The following EMC2 variants were observed in gnomAD, a reference collection of about 807,000 sequenced individuals.
EMC2 encodes the protein ER membrane protein complex subunit 2, also known as TPR repeat protein 35.
Under a neutral mutation model 51.6 loss-of-function variants are expected in EMC2, and 37 were observed. The observed-to-expected ratio is 0.72, with a 90% CI of 0.55 to 0.94. The LOEUF (loss-of-function observed/expected upper bound fraction) is 0.94. Among genes scored for constraint, EMC2 ranks in the 40% least tolerant of loss-of-function variants. EMC2 has a pLI of 0.00. For synonymous variants in EMC2, 131 were observed against 112.4 expected, an observed-to-expected ratio of 1.17 and a Z score of -1.04; for missense variants, 359 against 350.9, an observed-to-expected ratio of 1.02 and a Z score of -0.18.
At chr8:108,485,466 A>G (rs1397356717) in intron 10 of EMC2, among the ~76,000 whole-genome samples, 1 of 145,928 alleles carries the variant, frequency 6.9e-6, no homozygotes, top group African/African-American at 2.5e-5. Context: ...TATATATAAT[A>G]TATATAGGTA....
intron 10 of EMC2, among the ~76,000 whole-genome samples, chr8:108,483,742 TACAG>T (rs1218031671): frequency 6.6e-6 from 1 of 152,158 alleles, no homozygotes; most frequent in Non-Finnish European, 1.5e-5. Context: ...TTATAGATCT[TACAG>T]AGAATTATGA....
intron 4 of EMC2, among the ~76,000 whole-genome samples, chr8:108,453,810 G>C (rs1414214310): frequency 6.6e-6 from 1 of 152,042 alleles, no homozygotes; most frequent in Non-Finnish European, 1.5e-5. Context: ...ATTAACAAAG[G>C]AGTATGGAAG....
chr8:108,449,743 G>T, intron 1 of EMC2, 80 bp from the exon 2 acceptor site: 1 of 598,740 alleles, frequency 1.7e-6, no homozygotes, highest in Non-Finnish European at 3.0e-6. Flanking sequence ...ATTTTGTCTT[G>T]TCAGGTTTTT....
chr8:108,474,801 G>T (rs1368235452), intron 7 of EMC2: 1 of 151,916 alleles, frequency 6.6e-6, no homozygotes, highest in African/African-American at 2.4e-5. Flanking sequence ...CTGGGATTCA[G>T]TTTACATCTC....
intron 10 of EMC2, among the ~76,000 whole-genome samples, chr8:108,481,201 C>T (rs1047848560): frequency 2.6e-5 from 4 of 151,992 alleles, no homozygotes; most frequent in Admixed American, 6.6e-5. Flanking sequence ...TTTTGTTGTT[C>T]GTTTTTGCCC....
chr8:108,477,431 T>G lies in EMC2; in HGVS notation c.702+539T>G, dbSNP rs1171593917. 3.3e-5 allele frequency among the ~76,000 whole-genome samples: 5 copies of G among 152,094 alleles called. No individual in the cohort carries two copies. In the East Asian group the frequency reaches 9.7e-4, roughly 29 times the overall value. Reference sequence around the variant, plus strand: ...ATAAGAGCTGTGGGAAATAGAGGAATAATCTGCTGACCTTTAAAACATATA... The same window carrying G: ...ATAAGAGCTGTGGGAAATAGAGGAAGAATCTGCTGACCTTTAAAACATATA... On this transcript the variant is annotated intron_variant, in intron 9 of 10. Transcript: ENST00000220853.
At chr8:108,462,098 C>T (rs569744140) in intron 5 of EMC2, among the ~76,000 whole-genome samples, 7 of 152,234 alleles carry the variant, frequency 4.6e-5, no homozygotes, top group East Asian at 1.9e-4. Context: ...TGAGCCAATG[C>T]GCCCGGCCAG....
rs540405116 is a variant in EMC2 at position 108,471,987 on chromosome 8, C to G, written c.509+1866C>G. Among the ~76,000 whole-genome samples the G allele has an allele frequency of 5.9e-5, 9 of 151,822 alleles. No individual in the cohort carries two copies. In the South Asian group the frequency reaches 1.2e-3, roughly 21 times the overall value. ...GTTTGATAGGTGAAATTGGTTCTAC[C>G]TTTTTAGTTCATTTTTACGAGCTCT... On this transcript the variant is annotated intron_variant, in intron 7 of 10. Transcript: ENST00000220853.
intron 5 of EMC2, among the ~76,000 whole-genome samples, chr8:108,460,674 A>AT (rs1819298354): frequency 1.3e-5 from 2 of 152,230 alleles, no homozygotes; most frequent in African/African-American, 4.8e-5. Flanking sequence ...TATTGCTGTG[A>AT]TATCTCAGGT....
At chr8:108,444,256 A>C (rs1344453142) in intron 1 of EMC2, among the ~76,000 whole-genome samples, 3 of 152,124 alleles carry the variant, frequency 2.0e-5, no homozygotes, top group African/African-American at 4.8e-5. Flanking sequence ...ACTCCTTCTC[A>C]AAACACATTT....
chr8:108,447,240 A>G lies in EMC2; in HGVS notation c.41-2583A>G, dbSNP rs535981548. ...CCCACCCCCAACAGATGCTGGAAGAAATCCACTGAACCGATTTTATACCCT... is the reference window on the plus strand; with the variant it reads ...CCCACCCCCAACAGATGCTGGAAGAGATCCACTGAACCGATTTTATACCCT... On this transcript the variant is annotated intron_variant, in intron 1 of 10. Coordinates refer to ENST00000220853, the MANE Select transcript of EMC2 (RefSeq NM_014673.5). 2.7e-5 allele frequency among the ~76,000 whole-genome samples: 4 copies of G among 149,964 alleles called. No individual in the cohort carries two copies. The East Asian group carries it at 5.9e-4, about 22-fold the overall frequency.
chr8:108,477,678 A>G (rs1197883408), intron 9 of EMC2, among the ~76,000 whole-genome samples: 1 of 152,038 alleles, frequency 6.6e-6, no homozygotes, highest in Non-Finnish European at 1.5e-5. Flanking sequence ...ATTTCAAGAA[A>G]ATTTTCCTGG....
rs34429579 is a variant in EMC2 at position 108,486,488 on chromosome 8, CTTTTTT to C, written c.808-12_808-7del. On this transcript the variant is annotated intron_variant, in intron 10 of 10. Coordinates refer to ENST00000220853, the MANE Select transcript of EMC2 (RefSeq NM_014673.5). ...GCCACTGAAATTGAGCCTAATTGAG[CTTTTTT>C]TTTTTTTTTTTAATTAGTTTGCAGG... is the stretch of plus-strand genomic sequence containing the variant. 4 of 1,324,902 alleles carry C rather than the reference CTTTTTT, an allele frequency of 3.0e-6. No individual in the cohort carries two copies. Among genetic ancestry groups the C allele is most frequent in the Non-Finnish European group, 3.9e-6 (4 of 1,032,228 alleles). The allele number at this position is 1,324,902 out of a possible 1,614,324, so 82.1% of individuals were successfully genotyped here.
chr8:108,475,933 C>A lies in EMC2; in HGVS notation c.561C>A (p.His187Gln). 6.2e-7 allele frequency: 1 copy of A among 1,600,246 alleles called. No homozygotes were observed. The highest frequency in any genetic ancestry group is 1.1e-5 in the South Asian group (1 of 89,402). The change falls in exon 8 of 11, where the codon CAC (histidine) becomes CAA (glutamine). Residue 187 changes from histidine (H) to glutamine (Q), a missense_variant. Transcript: ENST00000220853. ...AGGAACTAATGATGACTAATCCACACAACCACTTATACTGTCAGCAGTATG... is the reference window on the plus strand; with the variant it reads ...AGGAACTAATGATGACTAATCCACAAAACCACTTATACTGTCAGCAGTATG... ...CLEELMMTNP[H>Q]NHLYCQQYAE... is the part of the protein sequence containing the mutation.
chr8:108,486,717 G>A lies in EMC2; in HGVS notation c.*119G>A. On this transcript the variant is annotated 3_prime_UTR_variant, in exon 11 of 11. Transcript: ENST00000220853. The stretch of plus-strand genomic sequence containing the variant: ...TACTACAGTAATTTTCTGTTAAGAA[G>A]GCAGTTGTAAAGAATGTGTTTATAT... 1 of 1,054,798 alleles carries A rather than the reference G, an allele frequency of 9.5e-7. No homozygotes were observed. Among genetic ancestry groups the A allele is most frequent in the Non-Finnish European group, 1.3e-6 (1 of 772,970 alleles). 65.3% of individuals were successfully genotyped at this position (1,054,798 alleles called of 1,614,324 possible).
chr8:108,463,954 C>T (rs983012989), intron 5 of EMC2: 1 of 152,522 alleles, frequency 6.6e-6, no homozygotes. Flanking sequence ...ACCCCTCATT[C>T]ACCTGGAACA....
Position 108,447,098 on chromosome 8 carries a change from C to A in EMC2, c.41-2725C>A, listed in dbSNP as rs560366816. Reference sequence around the variant, plus strand: ...ATTAACTCATACTCAATTAAGTATACCTATACATGAATCTTTGAGTGTATG... The same window carrying A: ...ATTAACTCATACTCAATTAAGTATAACTATACATGAATCTTTGAGTGTATG... On this transcript the variant is annotated intron_variant, in intron 1 of 10. Coordinates refer to ENST00000220853, the MANE Select transcript of EMC2 (RefSeq NM_014673.5). Among the ~76,000 whole-genome samples, 7 of 152,230 alleles carry A rather than the reference C, an allele frequency of 4.6e-5. No homozygotes were observed. In the South Asian group the frequency reaches 1.5e-3, roughly 32 times the overall value.
chr8:108,465,604 G>GTT (rs145366793), intron 5 of EMC2, among the ~76,000 whole-genome samples: 3 of 152,222 alleles, frequency 2.0e-5, no homozygotes, highest in African/African-American at 7.2e-5. Context: ...TTAGTAGCGT[G>GTT]TTTTTCACTA....
intron 7 of EMC2, among the ~76,000 whole-genome samples, chr8:108,471,929 C>T (rs1810865308): frequency 6.6e-6 from 1 of 151,888 alleles, no homozygotes; most frequent in African/African-American, 2.4e-5. Context: ...TTTAACAACA[C>T]TGGATACTAT....
Sources: gnomAD v4.1 joint callset for allele counts (sites outside exome capture counted in the v4.1 genomes callset) on GRCh38, gnomAD v4.1.1 for gene constraint, MANE v1.5 for transcripts, NCBI Gene and HGNC (gene_info 2026-07-23, HGNC 2026-07-21) for gene names.